Variants in PDHX observed in about 807,000 individuals in gnomAD.
PDHX encodes the protein pyruvate dehydrogenase protein X component, mitochondrial.
In PDHX, 33 loss-of-function variants were observed where a neutral mutation model predicts 55.3. The ratio of observed to expected loss-of-function variants is 0.60; its 90% CI spans 0.45 to 0.80. The LOEUF is 0.80. Among genes scored for constraint, PDHX ranks in the 30% least tolerant of loss-of-function variants. The probability of loss-of-function intolerance (pLI) is 0.00; values close to 1 mark genes in which losing one functional copy is unlikely to be tolerated. For synonymous variants in PDHX, 226 were observed against 219.4 expected, an observed-to-expected ratio of 1.03 and a Z score of -0.27; for missense variants, 622 against 619.9, an observed-to-expected ratio of 1.00 and a Z score of -0.04.
chr11:34,954,216 A>G (rs1331899278), intron 3 of PDHX, among the ~76,000 whole-genome samples: 2 of 152,252 alleles, frequency 1.3e-5, no homozygotes, highest in Non-Finnish European at 2.9e-5. Context: ...TCTATTTTAA[A>G]GAATAAAAGT....
At chr11:34,954,769 TC>T (rs138958263) in intron 3 of PDHX, among the ~76,000 whole-genome samples, 15,320 of 152,208 alleles carry the variant, frequency 0.1, 1,619 homozygotes, top group African/African-American at 0.27. Context: ...TTACTAGCTA[TC>T]AGACACTATT....
In PDHX at chr11:34,960,454, G is replaced by GA; in HGVS notation, c.582dup (p.His195ThrfsTer6). 6.2e-7 allele frequency: 1 copy of GA among 1,613,402 alleles called. No individual in the cohort carries two copies. Among genetic ancestry groups the GA allele is most frequent in the Non-Finnish European group, 8.5e-7 (1 of 1,179,622 alleles). On this transcript the variant is annotated frameshift_variant, in exon 5 of 11. Coordinates refer to ENST00000227868, the MANE Select transcript of PDHX (RefSeq NM_003477.3). LOFTEE classifies it high-confidence loss of function. Reference sequence around the variant, plus strand: ...AAGTCCAGCTGCCCGCAATATTCTGGAAAAACACTCACTGGATGCTAGCCA... The same window carrying GA: ...AAGTCCAGCTGCCCGCAATATTCTGGAAAAAACACTCACTGGATGCTAGCCA...
intron 1 of PDHX, among the ~76,000 whole-genome samples, chr11:34,926,114 C>T (rs1428056136): frequency 6.6e-6 from 1 of 152,192 alleles, no homozygotes; most frequent in African/African-American, 2.4e-5. Context: ...TCCAGTACCA[C>T]ACCAAAATAA....
At chr11:34,938,458 A>T (rs1342039001) in intron 2 of PDHX, among the ~76,000 whole-genome samples, 3 of 152,210 alleles carry the variant, frequency 2.0e-5, no homozygotes, top group Admixed American at 2.0e-4. Context: ...AGTATCTAAG[A>T]AAGTTTTACC....
At chr11:34,919,760 A>G (rs1033399495) in intron 1 of PDHX, among the ~76,000 whole-genome samples, 59 of 152,334 alleles carry the variant, frequency 3.9e-4, no homozygotes, top group African/African-American at 1.4e-3. Context: ...TTTACCACTT[A>G]CATTATTGAA....
rs1374885749 is a variant in PDHX, at chr11:34,927,824, G to A, written c.161-3580G>A. Among the ~76,000 whole-genome samples, 4 of 152,034 alleles carry A rather than the reference G, an allele frequency of 2.6e-5. No individual in the cohort carries two copies. The East Asian group carries it at 5.8e-4, about 22-fold the overall frequency. ...TCAAGAGATAGTATTGAATAATGGAGATGTCCAAAATATCTTTCTTTGGTT... is the reference window on the plus strand; with the variant it reads ...TCAAGAGATAGTATTGAATAATGGAAATGTCCAAAATATCTTTCTTTGGTT... On this transcript the variant is annotated intron_variant, in intron 1 of 10. Transcript: ENST00000227868.
At chr11:34,970,335 T>G in intron 7 of PDHX, 49 bp downstream of exon 7, 1 of 1,408,790 alleles carries the variant, frequency 7.1e-7, no homozygotes, top group Non-Finnish European at 1.0e-6. Context: ...TAACTTAACT[T>G]TCATGAAATC....
At position 34,994,141 on chromosome 11, in the gene PDHX, C is replaced by G. The variant is rs1855812644; in HGVS notation, c.1248-773C>G. Among the ~76,000 whole-genome samples the G allele has an allele frequency of 3.9e-5, 6 of 152,262 alleles. No homozygotes were observed. The South Asian group carries it at 1.2e-3, about 32-fold the overall frequency. On this transcript the variant is annotated intron_variant, in intron 10 of 10. Transcript: ENST00000227868. ...CATCATAGAGTGTACTTACGCAAAT[C>G]ATGCAAACATCATAGAGTGTACTTA...
chr11:34,981,846 T>C (rs1195071416), intron 8 of PDHX, among the ~76,000 whole-genome samples: 1 of 152,132 alleles, frequency 6.6e-6, no homozygotes, highest in Non-Finnish European at 1.5e-5. Context: ...GTTGATAGGG[T>C]TGTTTGTTTT....
chr11:34,917,996 C>T (rs965501784), intron 1 of PDHX, among the ~76,000 whole-genome samples: 3 of 152,308 alleles, frequency 2.0e-5, no homozygotes, highest in African/African-American at 7.2e-5. Context: ...CTTTGAGACT[C>T]ACTGCCTTAG....
At chr11:34,961,262 G>GGTTTAAATGTTTGTGTCTTTCCATTA (rs780795771) in intron 5 of PDHX, among the ~76,000 whole-genome samples, 1 of 152,072 alleles carries the variant, frequency 6.6e-6, no homozygotes, top group Admixed American at 6.6e-5. Context: ...CTGCAACACT[G>GGTTTAAATGTTTGTGTCTTTCCATTA]GTTTAAATGT....
intron 2 of PDHX, among the ~76,000 whole-genome samples, chr11:34,943,568 T>C (rs961879302): frequency 2.0e-5 from 3 of 152,214 alleles, no homozygotes; most frequent in African/African-American, 7.2e-5. Context: ...TTTTAACCAC[T>C]AAAACATTTA....
intron 8 of PDHX, among the ~76,000 whole-genome samples, chr11:34,981,261 T>A (rs1363877110): frequency 6.6e-6 from 1 of 152,178 alleles, no homozygotes; most frequent in Non-Finnish European, 1.5e-5. Context: ...TTTGGTTTTT[T>A]GTCCTTGAGG....
chr11:34,936,212 G>A (rs1854306532), intron 2 of PDHX, among the ~76,000 whole-genome samples: 1 of 152,186 alleles, frequency 6.6e-6, no homozygotes, highest in African/African-American at 2.4e-5. Context: ...AGCCACTATG[G>A]AGGTTAGGAG....
Position 34,996,033 on chromosome 11 carries a change from T to C in PDHX, c.*861T>C, listed in dbSNP as rs1159966198. On this transcript the variant is annotated 3_prime_UTR_variant, in exon 11 of 11. Coordinates refer to ENST00000227868, the MANE Select transcript of PDHX (RefSeq NM_003477.3). ...TTTCTTAATGCATTTAAATCAGTTT[T>C]GTATTGTGCAGTAAAATGTGAGAAA... 1 of 152,216 alleles carries C rather than the reference T, an allele frequency of 6.6e-6. No homozygotes were observed. The highest frequency in any genetic ancestry group is 1.5e-5 in the Non-Finnish European group (1 of 68,014). The allele number at this position is 152,216 out of a possible 1,614,324, so 9.4% of individuals were successfully genotyped here. A position where few individuals can be genotyped will look rare whatever the true frequency, so the allele number is the denominator to read the frequency against.
chr11:34,953,265 C>G (rs974345375), intron 3 of PDHX, among the ~76,000 whole-genome samples: 5 of 152,132 alleles, frequency 3.3e-5, no homozygotes, highest in African/African-American at 1.2e-4. Flanking sequence ...GGCCATACTG[C>G]CCAAGGTAAT....
chr11:34,917,110 C>A (rs1193141488), intron 1 of PDHX, among the ~76,000 whole-genome samples: 2 of 152,152 alleles, frequency 1.3e-5, no homozygotes, highest in African/African-American at 4.8e-5. Context: ...AACTCTCCTC[C>A]CTCAGCCCCC....
intron 2 of PDHX, among the ~76,000 whole-genome samples, chr11:34,944,088 T>TG (rs1854564137): frequency 6.7e-6 from 1 of 148,588 alleles, no homozygotes; most frequent in African/African-American, 2.4e-5. Context: ...TATGTGTGTG[T>TG]GTGTGTATAT....
chr11:34,917,110 C>T (rs1193141488), intron 1 of PDHX, among the ~76,000 whole-genome samples: 3 of 152,150 alleles, frequency 2.0e-5, no homozygotes, highest in Non-Finnish European at 2.9e-5. Context: ...AACTCTCCTC[C>T]CTCAGCCCCC....
Sources: gnomAD v4.1 joint callset for allele counts (sites outside exome capture counted in the v4.1 genomes callset) on GRCh38, gnomAD v4.1.1 for gene constraint, MANE v1.5 for transcripts, NCBI Gene and HGNC (gene_info 2026-07-23, HGNC 2026-07-21) for gene names.